PLXDC1: variants seen among roughly 807,000 people sequenced by gnomAD.
PLXDC1 encodes the protein plexin domain-containing protein 1.
In PLXDC1, 39 loss-of-function variants were observed where a neutral mutation model predicts 61.3. The ratio of observed to expected loss-of-function variants is 0.64; its 90% CI spans 0.49 to 0.83. The LOEUF is 0.83. PLXDC1 is among the 40% of genes least tolerant of loss of function. The pLI, the probability that PLXDC1 is intolerant of heterozygous loss-of-function variation, is 0.00. For missense variants in PLXDC1, 596 were observed against 666.5 expected (o/e 0.89, Z 1.17); for synonymous variants, 212 against 254.5 (o/e 0.83, Z 1.59).
intron 2 of PLXDC1, among the ~76,000 whole-genome samples, chr17:39,133,204 G>A (rs1854302763): frequency 6.6e-6 from 1 of 152,138 alleles, no homozygotes; most frequent in South Asian, 2.1e-4. Context: ...AGTGGGAAAG[G>A]GCGTTTGCGG....
intron 2 of PLXDC1, among the ~76,000 whole-genome samples, chr17:39,113,468 C>G (rs1488672809): frequency 1.3e-5 from 2 of 152,212 alleles, no homozygotes; most frequent in Admixed American, 1.3e-4. Context: ...CTTGCTTAGG[C>G]CATTCTGTGG....
chr17:39,117,244 T>C (rs1482282463), intron 2 of PLXDC1, among the ~76,000 whole-genome samples: 5 of 152,164 alleles, frequency 3.3e-5, no homozygotes, highest in African/African-American at 4.8e-5. Context: ...TGAACACGTG[T>C]GCTTCAAGAT....
intron 1 of PLXDC1, among the ~76,000 whole-genome samples, chr17:39,147,918 G>A (rs1197884179): frequency 1.3e-5 from 2 of 152,172 alleles, no homozygotes; most frequent in African/African-American, 4.8e-5. Context: ...TTTGGTAAGG[G>A]CTATGAAGAA....
Position 39,108,940 on chromosome 17 carries a change from C to T in PLXDC1, c.433G>A (p.Gly145Arg), listed in dbSNP as rs775828924. ...ATGGTGATCTGCCGCAGAGGATGCC[C>T]GTAGAAAGGGAAATCAAAGGACAAG... ...VVLSFDFPFY[G>R]HPLRQITIAT... is the part of the protein sequence containing the mutation. Residue 145 changes from glycine to arginine, a missense_variant, in exon 4 of 14, where the codon GGG (glycine) becomes AGG (arginine). Gly to Arg is a moderately radical substitution (Grantham distance 125, BLOSUM62 -2). Coordinates refer to ENST00000315392, the MANE Select transcript of PLXDC1 (RefSeq NM_020405.5). 17 of 1,613,522 alleles carry T rather than the reference C, an allele frequency of 1.1e-5. No individual in the cohort carries two copies. In the East Asian group the frequency reaches 1.1e-4, roughly 11 times the overall value.
At chr17:39,148,022 C>T (rs1411628164) in intron 1 of PLXDC1, among the ~76,000 whole-genome samples, 1 of 152,078 alleles carries the variant, frequency 6.6e-6, no homozygotes, top group Non-Finnish European at 1.5e-5. Context: ...CTGATTAAGA[C>T]CTGAATGAGA....
upstream of PLXDC1, chr17:39,152,952 ATTC>A (rs2045384162): frequency 3.3e-6 from 1 of 306,962 alleles, no homozygotes; most frequent in South Asian, 1.6e-4. Context: ...CGGTCTGTAA[ATTC>A]TTCTTGATGT....
chr17:39,094,491 C>T (rs1019038524), intron 7 of PLXDC1, among the ~76,000 whole-genome samples: 1 of 151,754 alleles, frequency 6.6e-6, no homozygotes, highest in Non-Finnish European at 1.5e-5. Context: ...AAAGTGACTG[C>T]CCCCCGACCC....
At chr17:39,094,719 A>G (rs1910081559) in intron 7 of PLXDC1, among the ~76,000 whole-genome samples, 1 of 152,212 alleles carries the variant, frequency 6.6e-6, no homozygotes, top group Non-Finnish European at 1.5e-5. Context: ...AATGGGTTAC[A>G]AATAGTCATG....
At position 39,109,282 on chromosome 17, in the gene PLXDC1, T is replaced by A; in HGVS notation, c.365A>T (p.His122Leu). 1 of 1,613,160 alleles carries A rather than the reference T, an allele frequency of 6.2e-7. No individual in the cohort carries two copies. The change falls in exon 3 of 14, where the codon CAC becomes CTC. Residue 122 changes from histidine to leucine, a missense_variant. His to Leu is a moderately conservative substitution (Grantham distance 99). Transcript: ENST00000315392. ...AEANRSQVKIHTILSNTHRQA... is the reference protein window; with the variant it reads ...AEANRSQVKILTILSNTHRQA... ...CCGGTGGGTGTTGGAGAGTATTGTG[T>A]GGATCTTCACTTGGCTCCGGTTGGC... is the stretch of plus-strand genomic sequence containing the variant.
intron 2 of PLXDC1, among the ~76,000 whole-genome samples, chr17:39,133,700 C>A (rs1419848258): frequency 6.6e-6 from 1 of 152,172 alleles, no homozygotes; most frequent in African/African-American, 2.4e-5. Context: ...CTCACTGCAG[C>A]CTCCAACACC....
chr17:39,093,370 C>T (rs2143541161), intron 7 of PLXDC1, among the ~76,000 whole-genome samples: 1 of 152,252 alleles, frequency 6.6e-6, no homozygotes. Context: ...CTGCGTCAGG[C>T]CACATCTCTT....
chr17:39,106,016 C>G, intron 6 of PLXDC1, 63 bp from the exon 7 acceptor site: 1 of 1,083,290 alleles, frequency 9.2e-7, no homozygotes, highest in Non-Finnish European at 1.4e-6. Flanking sequence ...CCAGCCCTCC[C>G]CTGTGAGCTC....
In PLXDC1 at chr17:39,063,522, G is replaced by A. The variant is rs1205915672; in HGVS notation, c.*4318C>T. 2.8e-6 allele frequency: 2 copies of A among 702,936 alleles called. No individual in the cohort carries two copies. The highest frequency in any genetic ancestry group is 5.2e-6 in the Non-Finnish European group (2 of 384,996). 43.5% of individuals were successfully genotyped at this position (702,936 alleles called of 1,614,324 possible). ...CAGTCATGTCTCAGCGAAGAAGTCG[G>A]AGTTCAGCAGCCATCAGAACCAAGG... On this transcript the variant is annotated 3_prime_UTR_variant, in exon 14 of 14. Transcript: ENST00000315392.
At chr17:39,079,585 C>T (rs114480223) in intron 9 of PLXDC1, 1 of 456,550 alleles carries the variant, frequency 2.2e-6, no homozygotes, top group Admixed American at 2.3e-5. Flanking sequence ...TTAGTCAACA[C>T]CTCCCCATGT....
chr17:39,079,069 G>T, intron 10 of PLXDC1, 35 bp downstream of exon 10: 2 of 1,582,202 alleles, frequency 1.3e-6, no homozygotes, highest in Non-Finnish European at 8.7e-7. Context: ...CCACCACCTG[G>T]CACAGGAGTT....
chr17:39,101,813 C>G (rs759056235), intron 7 of PLXDC1, among the ~76,000 whole-genome samples: 3 of 152,214 alleles, frequency 2.0e-5, no homozygotes, highest in Non-Finnish European at 2.9e-5. Flanking sequence ...CTCCGATGCC[C>G]TGCCCTCTGC....
Position 39,083,441 on chromosome 17 carries a change from G to C in PLXDC1, c.989+18C>G. ...ACAGTCGGCCAGTGGGAGTCAGCAG[G>C]TAACCCTGGGCACAAACCTCTGGAG... On this transcript the variant is annotated intron_variant, in intron 9 of 13. Coordinates refer to ENST00000315392, the MANE Select transcript of PLXDC1 (RefSeq NM_020405.5). 1.9e-6 allele frequency: 3 copies of C among 1,609,514 alleles called. No individual in the cohort carries two copies. The highest frequency in any genetic ancestry group is 2.6e-6 in the Non-Finnish European group (3 of 1,176,412).
chr17:39,120,810 G>A (rs111747211), intron 2 of PLXDC1, among the ~76,000 whole-genome samples: 4,033 of 150,298 alleles, frequency 0.027, 163 homozygotes, highest in African/African-American at 0.088. Flanking sequence ...GTTGCCCAGG[G>A]TGGAGTGCAA....
chr17:39,108,282 G>A (rs779794550), intron 4 of PLXDC1, 37 bp from the exon 5 acceptor site: 17 of 1,609,462 alleles, frequency 1.1e-5, no homozygotes, highest in African/African-American at 1.3e-5. Context: ...CACCAGAAAT[G>A]GCCCAGAGGG....
Sources: allele counts gnomAD v4.1 joint callset (sites outside exome capture counted in the v4.1 genomes callset), GRCh38; gene constraint gnomAD v4.1.1; transcripts MANE v1.5; gene names NCBI Gene and HGNC (gene_info 2026-07-23, HGNC 2026-07-21).